The following PARD3B variants were observed in gnomAD, a reference collection of about 807,000 sequenced individuals.
PARD3B encodes par-3 family cell polarity regulator beta, also known as partitioning defective 3 homolog B.
PARD3B carries 103 observed loss-of-function variants against 130.2 expected under a neutral mutation model. The observed-to-expected ratio is 0.79, with a 90% confidence interval of 0.67 to 0.93. The LOEUF is 0.93. Among genes scored for constraint, PARD3B ranks in the 40% least tolerant of loss-of-function variants. PARD3B has a pLI of 0.00. For missense variants in PARD3B, 1,609 were observed against 1,499.2 expected (o/e 1.07, Z -1.21); for synonymous variants, 583 against 553.2 (o/e 1.05, Z -0.76).
At chr2:205,336,705 G>A (rs62171503) in intron 18 of PARD3B, among the ~76,000 whole-genome samples, 5,014 of 152,196 alleles carry the variant, frequency 0.033, 96 homozygotes, top group Middle Eastern at 0.058. Flanking sequence ...TTTTCTAATG[G>A]AAAAGGTAAA....
intron 18 of PARD3B, among the ~76,000 whole-genome samples, chr2:205,350,079 A>G (rs528680865): frequency 5.9e-5 from 9 of 152,148 alleles, no homozygotes; most frequent in Non-Finnish European, 1.0e-4. Flanking sequence ...TAGTTAGATC[A>G]GTAGTCTTTA....
chr2:204,808,125 A>G (rs1559161341), intron 2 of PARD3B, among the ~76,000 whole-genome samples: 1 of 152,020 alleles, frequency 6.6e-6, no homozygotes, highest in Non-Finnish European at 1.5e-5. Flanking sequence ...AAAATTAAAG[A>G]TAGAGATTAT....
In PARD3B at chr2:205,176,907, T is replaced by G. The variant is rs1468202983; in HGVS notation, c.1924+330T>G. ...TTCTAATACTGGAAGTTACCAAGTA[T>G]AAATAAATAACTACCAAAATTTAAA... On this transcript the variant is annotated intron_variant, in intron 13 of 22. Coordinates refer to ENST00000406610, the MANE Select transcript of PARD3B (RefSeq NM_001302769.2). This position sits in a 1 kb window ranked among gnomAD's most constrained non-coding sequence, Gnocchi z 5.3. Among the ~76,000 whole-genome samples the G allele has an allele frequency of 2.0e-5, 3 of 152,220 alleles. No individual in the cohort carries two copies. Among genetic ancestry groups the G allele is most frequent in the African/African-American group, 7.2e-5 (3 of 41,452 alleles).
At chr2:205,024,726 C>T (rs1696887026) in intron 3 of PARD3B, among the ~76,000 whole-genome samples, 1 of 152,166 alleles carries the variant, frequency 6.6e-6, no homozygotes, top group Non-Finnish European at 1.5e-5. Flanking sequence ...TGAAGCACAT[C>T]ATTTGTTTCC....
chr2:204,877,347 G>A (rs2045884200), intron 2 of PARD3B, among the ~76,000 whole-genome samples: 1 of 152,038 alleles, frequency 6.6e-6, no homozygotes, highest in South Asian at 2.1e-4. Context: ...GTATACATAT[G>A]TAACAAACCT....
At chr2:205,507,343 T>G (rs1313961462) in intron 21 of PARD3B, among the ~76,000 whole-genome samples, 1 of 150,634 alleles carries the variant, frequency 6.6e-6, no homozygotes, top group African/African-American at 2.4e-5. Context: ...GCCTCCCAAG[T>G]AACTGGGACT....
rs1388028930 is a variant in PARD3B, at chr2:205,176,856, G to A, written c.1924+279G>A. The stretch of plus-strand genomic sequence containing the variant: ...AACAAACGATCACTGGAGAATCAAA[G>A]ATGGCAAACTGTTATTTTTAAGCTC... On this transcript the variant is annotated intron_variant, in intron 13 of 22. Transcript: ENST00000406610. The surrounding 1 kb of genome is among the most constrained non-coding windows in gnomAD (Gnocchi z 5.3). Among the ~76,000 whole-genome samples, 2 of 152,130 alleles carry A rather than the reference G, an allele frequency of 1.3e-5. No homozygotes were observed. The highest frequency in any genetic ancestry group is 2.9e-5 in the Non-Finnish European group (2 of 68,012).
intron 16 of PARD3B, among the ~76,000 whole-genome samples, chr2:205,261,970 T>G (rs990124727): frequency 6.6e-6 from 1 of 152,164 alleles, no homozygotes; most frequent in African/African-American, 2.4e-5. Flanking sequence ...CTTTAGGTAC[T>G]AAAACAAATC....
At chr2:205,393,057 A>T (rs1452223761) in intron 18 of PARD3B, among the ~76,000 whole-genome samples, 1 of 152,204 alleles carries the variant, frequency 6.6e-6, no homozygotes, top group Non-Finnish European at 1.5e-5. Context: ...GAGATAAACA[A>T]GAAAAGACCT....
At chr2:205,431,972 G>A (rs1475671116) in intron 19 of PARD3B, among the ~76,000 whole-genome samples, 1 of 152,064 alleles carries the variant, frequency 6.6e-6, no homozygotes, top group African/African-American at 2.4e-5. Context: ...TGTACATTAT[G>A]AGAACTGTTA....
At chr2:205,163,342 G>T (rs1172204611) in intron 11 of PARD3B, among the ~76,000 whole-genome samples, 2 of 152,186 alleles carry the variant, frequency 1.3e-5, no homozygotes, top group Non-Finnish European at 2.9e-5. Context: ...TAATTAGCCA[G>T]GTTTGTGCTT....
Position 205,300,464 on chromosome 2 carries a change from G to C in PARD3B, c.2186-66G>C, listed in dbSNP as rs2041953278. On this transcript the variant is annotated intron_variant, in intron 16 of 22. Coordinates refer to ENST00000406610, the MANE Select transcript of PARD3B (RefSeq NM_001302769.2). This position sits in a 1 kb window ranked among gnomAD's most constrained non-coding sequence, Gnocchi z 4.1. ...GGATGTCCAGACAGAAATATTCTTAGAACAATAGCATTACACCACACTGCC... is the reference window on the plus strand; with the variant it reads ...GGATGTCCAGACAGAAATATTCTTACAACAATAGCATTACACCACACTGCC... 1 of 1,416,080 alleles carries C rather than the reference G, an allele frequency of 7.1e-7. No homozygotes were observed. Among genetic ancestry groups the C allele is most frequent in the African/African-American group, 1.4e-5 (1 of 70,486 alleles). 87.7% of individuals were successfully genotyped at this position (1,416,080 alleles called of 1,614,324 possible).
At chr2:205,515,915 T>C (rs997068142) in intron 21 of PARD3B, among the ~76,000 whole-genome samples, 30 of 152,218 alleles carry the variant, frequency 2.0e-4, no homozygotes, top group South Asian at 6.2e-4. Flanking sequence ...TCCTCCAGGG[T>C]TTTTGTAGTT....
intron 4 of PARD3B, among the ~76,000 whole-genome samples, chr2:205,082,623 C>CA (rs568990313): frequency 4.7e-4 from 71 of 150,002 alleles, no homozygotes; most frequent in Non-Finnish European, 7.3e-4. Context: ...TTCATCTTTT[C>CA]AAAAAAAAAT....
intron 2 of PARD3B, among the ~76,000 whole-genome samples, chr2:204,918,413 G>A (rs1394567298): frequency 6.6e-6 from 1 of 151,978 alleles, no homozygotes; most frequent in African/African-American, 2.4e-5. Context: ...GGCGGATCAC[G>A]AGGTCAGGAG....
rs1472845703 is a variant in PARD3B at position 205,550,239 on chromosome 2, TG to T, written c.3181-3084del. Among the ~76,000 whole-genome samples the T allele has an allele frequency of 2.0e-5, 3 of 152,190 alleles. No homozygotes were observed. The highest frequency in any genetic ancestry group is 2.9e-5 in the Non-Finnish European group (2 of 68,052). On this transcript the variant is annotated intron_variant, in intron 21 of 22. Coordinates refer to ENST00000406610, the MANE Select transcript of PARD3B (RefSeq NM_001302769.2). The surrounding 1 kb of genome is among the most constrained non-coding windows in gnomAD (Gnocchi z 4.5). ...TGACGCTTCAACACCCGTATGACGC[TG>T]TCTTCAACTCTCCCAGGTGGACTTT... is the stretch of plus-strand genomic sequence containing the variant.
chr2:205,524,904 A>G (rs925891681), intron 21 of PARD3B, among the ~76,000 whole-genome samples: 7 of 152,084 alleles, frequency 4.6e-5, no homozygotes, highest in Non-Finnish European at 8.8e-5. Flanking sequence ...TGCAAGTTTC[A>G]CCTGTTTTAT....
chr2:205,240,765 T>A (rs1349671664), intron 15 of PARD3B, among the ~76,000 whole-genome samples: 1 of 152,180 alleles, frequency 6.6e-6, no homozygotes, highest in Non-Finnish European at 1.5e-5. Context: ...ACTTATGTTA[T>A]AGAATGCGTA....
At chr2:204,818,096 A>T (rs1160373146) in intron 2 of PARD3B, among the ~76,000 whole-genome samples, 1 of 152,140 alleles carries the variant, frequency 6.6e-6, no homozygotes. Context: ...TACTGGTGAG[A>T]ATAGTTCCAC....
Sources: gnomAD v4.1 joint callset for allele counts (sites outside exome capture counted in the v4.1 genomes callset) on GRCh38, gnomAD v4.1.1 for gene constraint, Gnocchi (gnomAD v3.1) non-coding constraint, MANE v1.5 for transcripts, NCBI Gene and HGNC (gene_info 2026-07-23, HGNC 2026-07-21) for gene names.